SEMA6D: variants seen among roughly 807,000 people sequenced by gnomAD.
The protein encoded by SEMA6D is semaphorin 6D.
Under a neutral mutation model 106.6 loss-of-function variants are expected in SEMA6D, and 35 were observed. The observed-to-expected ratio is 0.33, with a 90% CI of 0.25 to 0.44. SEMA6D has a LOEUF of 0.44. Among genes scored for constraint, SEMA6D ranks in the 20% least tolerant of loss-of-function variants. The pLI, the probability that SEMA6D is intolerant of heterozygous loss-of-function variation, is 1.00. For synonymous variants in SEMA6D, 499 were observed against 487.7 expected, an observed-to-expected ratio of 1.02 and a Z score of -0.31; for missense variants, 1,185 against 1,345.9, an observed-to-expected ratio of 0.88 and a Z score of 1.87.
intron 3 of SEMA6D, among the ~76,000 whole-genome samples, chr15:47,517,418 C>G (rs1034593008): frequency 6.6e-6 from 1 of 151,866 alleles, no homozygotes; most frequent in African/African-American, 2.4e-5. Flanking sequence ...ATGGGGAAAA[C>G]CTATTTGCTC....
At chr15:47,766,032 A>G (rs767186148) in intron 14 of SEMA6D, 23 bp downstream of exon 14, 25 of 1,608,360 alleles carry the variant, frequency 1.6e-5, no homozygotes, top group Middle Eastern at 1.7e-4. Context: ...TTCTTTACTT[A>G]CCCTGGGTCT....
chr15:47,770,698 G>A lies in SEMA6D; in HGVS notation c.2135G>A (p.Gly712Glu). The change falls in exon 19 of 19, where the codon GGA (glycine) becomes GAA (glutamate). Residue 712 changes from glycine to glutamate, a missense_variant. Gly to Glu is a moderately conservative substitution (Grantham distance 98). Transcript: ENST00000536845. ...GCCCAGTCATGCACAGACTCCAGTG[G>A]AAGTTTTGCCAAACTGAATGGTCTC... ...ESAQSCTDSS[G>E]SFAKLNGLFD... 1 of 1,614,114 alleles carries A rather than the reference G, an allele frequency of 6.2e-7. No individual in the cohort carries two copies. The highest frequency in any genetic ancestry group is 8.5e-7 in the Non-Finnish European group (1 of 1,179,988).
chr15:47,529,603 T>TGA (rs542208296), intron 3 of SEMA6D, among the ~76,000 whole-genome samples: 1 of 135,758 alleles, frequency 7.4e-6, no homozygotes, highest in Non-Finnish European at 1.6e-5. Context: ...TCTGTAGCAC[T>TGA]AAAAAAAAAA....
At chr15:47,757,557 A>G (rs1056546884) in intron 1 of SEMA6D, among the ~76,000 whole-genome samples, 4 of 152,206 alleles carry the variant, frequency 2.6e-5, no homozygotes, top group Admixed American at 1.3e-4. Context: ...AGCTGTAGTA[A>G]AAAACTAGAA....
chr15:47,708,228 A>AT (rs2078950649), intron 4 of SEMA6D, among the ~76,000 whole-genome samples: 1 of 152,312 alleles, frequency 6.6e-6, no homozygotes, highest in East Asian at 1.9e-4. Flanking sequence ...ACTCTAGCAC[A>AT]TGCCAATTAA....
chr15:47,435,441 A>G (rs982469714), intron 2 of SEMA6D, among the ~76,000 whole-genome samples: 4 of 152,034 alleles, frequency 2.6e-5, no homozygotes, highest in Non-Finnish European at 5.9e-5. Context: ...CCTGTAATAT[A>G]CACTCTCAAA....
At chr15:47,634,592 C>G (rs2077348574) in intron 4 of SEMA6D, among the ~76,000 whole-genome samples, 1 of 152,140 alleles carries the variant, frequency 6.6e-6, no homozygotes, top group African/African-American at 2.4e-5. Context: ...CCTGTTGATG[C>G]AGCAGAGGTA....
chr15:47,234,250 C>T (rs923667050), intron 1 of SEMA6D, among the ~76,000 whole-genome samples: 1 of 151,976 alleles, frequency 6.6e-6, no homozygotes, highest in Non-Finnish European at 1.5e-5. Context: ...GACCTCTAGG[C>T]TCTGTGAAAC....
At chr15:47,611,967 G>A (rs2076915148) in intron 4 of SEMA6D, among the ~76,000 whole-genome samples, 1 of 152,174 alleles carries the variant, frequency 6.6e-6, no homozygotes, top group African/African-American at 2.4e-5. Flanking sequence ...TGAAAATAGA[G>A]TGTGAGGGAA....
intron 4 of SEMA6D, among the ~76,000 whole-genome samples, chr15:47,701,857 T>C (rs8032760): frequency 0.4 from 60,302 of 151,912 alleles, 12,609 homozygotes; most frequent in Middle Eastern, 0.49. Flanking sequence ...GTACTGCTTT[T>C]AACAATGAAG....
chr15:47,407,368 C>CAA (rs779136178), intron 1 of SEMA6D, among the ~76,000 whole-genome samples: 9,298 of 47,028 alleles, frequency 0.2, 1,222 homozygotes, highest in East Asian at 0.37. Context: ...GACTCTATCT[C>CAA]AAAAAAAAAA....
intron 3 of SEMA6D, among the ~76,000 whole-genome samples, chr15:47,545,377 A>G (rs1053289694): frequency 9.9e-5 from 15 of 152,174 alleles, no homozygotes; most frequent in African/African-American, 3.4e-4. Flanking sequence ...CAGATGACCA[A>G]TTACTAAGGT....
At chr15:47,737,433 A>G (rs902315067) in intron 1 of SEMA6D, among the ~76,000 whole-genome samples, 26 of 152,332 alleles carry the variant, frequency 1.7e-4, no homozygotes, top group African/African-American at 6.3e-4. Flanking sequence ...ATTATAAAGT[A>G]TTAATTTTAA....
chr15:47,562,269 G>A (rs916593530), intron 3 of SEMA6D, among the ~76,000 whole-genome samples: 6 of 151,904 alleles, frequency 3.9e-5, no homozygotes, highest in African/African-American at 7.2e-5. Flanking sequence ...ATAAATTGTA[G>A]ATCCTTACAT....
At chr15:47,551,420 C>T (rs996759670) in intron 3 of SEMA6D, among the ~76,000 whole-genome samples, 7 of 152,158 alleles carry the variant, frequency 4.6e-5, no homozygotes, top group Admixed American at 1.3e-4. Context: ...AAAGGCCAGG[C>T]GGACAAAGTA....
intron 1 of SEMA6D, among the ~76,000 whole-genome samples, chr15:47,392,436 AAAG>A (rs1461878518): frequency 6.6e-6 from 1 of 152,140 alleles, no homozygotes; most frequent in Non-Finnish European, 1.5e-5. Context: ...TTTATAAATC[AAAG>A]AAGGAGACAG....
At chr15:47,566,899 A>G (rs2046245474) in intron 3 of SEMA6D, among the ~76,000 whole-genome samples, 1 of 134,722 alleles carries the variant, frequency 7.4e-6, no homozygotes, top group African/African-American at 2.6e-5. Context: ...TGCTTTGTTT[A>G]TTTAAGAATA....
At chr15:47,418,597 C>T (rs948142987) in intron 2 of SEMA6D, among the ~76,000 whole-genome samples, 1 of 151,990 alleles carries the variant, frequency 6.6e-6, no homozygotes, top group Admixed American at 6.6e-5. Context: ...TCCCAAACAC[C>T]CCACCTCTTG....
chr15:47,578,211 C>G (rs1468030499), intron 3 of SEMA6D, among the ~76,000 whole-genome samples: 1 of 152,164 alleles, frequency 6.6e-6, no homozygotes, highest in Non-Finnish European at 1.5e-5. Context: ...TGAACTATCT[C>G]AATTCAGCTA....
Sources: allele counts gnomAD v4.1 joint callset (sites outside exome capture counted in the v4.1 genomes callset), GRCh38; gene constraint gnomAD v4.1.1; transcripts MANE v1.5; gene names NCBI Gene and HGNC (gene_info 2026-07-23, HGNC 2026-07-21).